The following CLCNKB variants were observed in gnomAD, a reference collection of about 807,000 sequenced individuals.
The protein encoded by CLCNKB is chloride voltage-gated channel Kb, also known as chloride channel protein ClC-Kb.
In CLCNKB, 74 loss-of-function variants were observed where a neutral mutation model predicts 83.8. That is an observed-to-expected ratio of 0.88 (90% CI 0.73 to 1.07). The LOEUF (loss-of-function observed/expected upper bound fraction) is 1.07, where lower values mean the gene tolerates loss of function less well. CLCNKB is among the 50% of genes least tolerant of loss of function. The pLI is 0.00. For synonymous variants in CLCNKB, 358 were observed against 356.6 expected (o/e 1.00, Z -0.04); for missense variants, 798 against 893.6 (o/e 0.89, Z 1.36).
rs773629445 is a variant in CLCNKB, at chr1:16,052,260, G to C, written c.1471G>C (p.Val491Leu). The C allele has an allele frequency of 6.8e-5, 110 of 1,613,302 alleles. No homozygotes were observed. The highest frequency in any genetic ancestry group is 3.7e-4 in the African/African-American group (28 of 75,046). ...TISTALLAFEVTGQIVHALPV... is the reference protein window; with the variant it reads ...TISTALLAFELTGQIVHALPV... ...CTCCACGGCGCTGCTGGCCTTCGAG[G>C]TGACCGGCCAGATAGTGCATGCACT... The change falls in exon 15 of 20, where the codon GTG becomes CTG. Residue 491 changes from valine to leucine, a missense_variant. Coordinates refer to ENST00000375679, the MANE Select transcript of CLCNKB (RefSeq NM_000085.5).
In CLCNKB at chr1:16,050,366, C is replaced by T. The variant is rs1331373823; in HGVS notation, c.969-150C>T. The T allele has an allele frequency of 1.7e-5, 14 of 827,112 alleles. No homozygotes were observed. The African/African-American group carries it at 2.0e-4, about 12-fold the overall frequency. 51.2% of individuals were successfully genotyped at this position (827,112 alleles called of 1,614,324 possible). ...AAAATACCCAGGAGTGTGGGGCTGA[C>T]CCCACAGGTTCTGTCCCCTGGAGCT... On this transcript the variant is annotated intron_variant, in intron 10 of 19. Coordinates refer to ENST00000375679, the MANE Select transcript of CLCNKB (RefSeq NM_000085.5).
At chr1:16,046,893 C>A (rs2023119379) in intron 4 of CLCNKB, among the ~76,000 whole-genome samples, 1 of 152,216 alleles carries the variant, frequency 6.6e-6, no homozygotes, top group Non-Finnish European at 1.5e-5. Flanking sequence ...GTGGGAGGAT[C>A]TTCTGCGAAG....
intron 2 of CLCNKB, 140 bp from the exon 3 acceptor site, chr1:16,045,418 C>T (rs2023069412): frequency 9.8e-7 from 1 of 1,016,686 alleles, no homozygotes; most frequent in Non-Finnish European, 1.5e-6. Context: ...GCAGGGCCCC[C>T]TCGGGACTAC....
At chr1:16,044,420 G>A in intron 1 of CLCNKB, 66 bp from the exon 2 acceptor site, 1 of 1,299,906 alleles carries the variant, frequency 7.7e-7, no homozygotes, top group South Asian at 1.3e-5. Context: ...GCACTGGAAG[G>A]GCCTAGAGGC....
intron 15 of CLCNKB, 42 bp from the exon 16 acceptor site, chr1:16,053,597 A>G: frequency 1.2e-6 from 2 of 1,613,530 alleles, no homozygotes; most frequent in African/African-American, 1.3e-5. Context: ...TGGGTCTCAC[A>G]TCCCTGACTG....
chr1:16,051,821 G>GT lies in CLCNKB; in HGVS notation c.1408+2dup, dbSNP rs1299417970. ...ATGCCAGGGGGGTATGCTCTGGCAG[G>GT]TGAGTGGGTCAGGGGCCTGCTGCGT... On this transcript the variant is annotated splice_donor_variant, in intron 14 of 19. Coordinates refer to ENST00000375679, the MANE Select transcript of CLCNKB (RefSeq NM_000085.5). LOFTEE classifies it high-confidence loss of function. 6.2e-7 allele frequency: 1 copy of GT among 1,611,016 alleles called. No homozygotes were observed. The highest frequency in any genetic ancestry group is 1.7e-5 in the Admixed American group (1 of 60,004).
chr1:16,052,481 C>T (rs1387569071), intron 15 of CLCNKB, 70 bp downstream of exon 15: 16 of 1,602,858 alleles, frequency 1.0e-5, no homozygotes, highest in African/African-American at 4.0e-5. Flanking sequence ...GTGAAGGGCA[C>T]CTCGAAAAAG....
rs1265771379 is a variant in CLCNKB at position 16,052,437 on chromosome 1, C to A, written c.1622+26C>A. 6 of 1,607,878 alleles carry A rather than the reference C, an allele frequency of 3.7e-6. No homozygotes were observed. The South Asian group carries it at 6.6e-5, about 18-fold the overall frequency. On this transcript the variant is annotated intron_variant, in intron 15 of 19. Transcript: ENST00000375679. ...GTGAGTGGTGCCCACCTCAGGCTGA[C>A]TGAAGGGGGTCACAGTGTTTGGGAA...
chr1:16,056,691 T>C (rs1350278749), intron 19 of CLCNKB, among the ~76,000 whole-genome samples, 178 bp from the exon 20 acceptor site: 4 of 152,068 alleles, frequency 2.6e-5, no homozygotes, highest in African/African-American at 4.8e-5. Context: ...CCCTACCTTG[T>C]TTTCTGGCCA....
intron 7 of CLCNKB, 186 bp from the exon 8 acceptor site, chr1:16,048,934 G>C (rs778485953): frequency 4.1e-6 from 6 of 1,471,330 alleles, no homozygotes; most frequent in Non-Finnish European, 3.6e-6. Context: ...CAGGCTGGAC[G>C]GGTCTCTGGG....
chr1:16,047,826 G>GAA, intron 4 of CLCNKB, 79 bp from the exon 5 acceptor site: 1 of 1,496,556 alleles, frequency 6.7e-7, no homozygotes, highest in Non-Finnish European at 9.3e-7. Context: ...ATCGTAATGT[G>GAA]AAAACATCAC....
chr1:16,055,575 T>C, intron 17 of CLCNKB, 52 bp downstream of exon 17: 2 of 1,540,532 alleles, frequency 1.3e-6, no homozygotes, highest in Non-Finnish European at 1.8e-6. Context: ...TCAGCAGGAA[T>C]GGGAGGAGAG....
At chr1:16,047,313 C>T (rs1259874713) in intron 4 of CLCNKB, among the ~76,000 whole-genome samples, 2 of 152,106 alleles carry the variant, frequency 1.3e-5, no homozygotes, top group African/African-American at 2.4e-5. Context: ...GGCATGATTG[C>T]ATGTGCCCGT....
At chr1:16,046,703 A>G in intron 4 of CLCNKB, 40 bp downstream of exon 4, 1 of 1,536,544 alleles carries the variant, frequency 6.5e-7, no homozygotes, top group Non-Finnish European at 8.8e-7. Flanking sequence ...ACTGGCCAAA[A>G]CCTTCTCAGA....
intron 5 of CLCNKB, 27 bp from the exon 6 acceptor site, chr1:16,048,316 G>A (rs965917379): frequency 3.1e-6 from 5 of 1,613,284 alleles, no homozygotes; most frequent in African/African-American, 2.7e-5. Context: ...CCTCACCTGG[G>A]CCCTGGGCCC....
Position 16,044,603 on chromosome 1 carries a change from G to C in CLCNKB, c.100+11G>C, listed in dbSNP as rs758980868. 11 of 1,586,484 alleles carry C rather than the reference G, an allele frequency of 6.9e-6. No individual in the cohort carries two copies. The South Asian group carries it at 1.3e-4, about 18-fold the overall frequency. On this transcript the variant is annotated intron_variant, in intron 2 of 19. Transcript: ENST00000375679. ...GCCGAGGCATCCGAGGTGAGAGCCAGGTCCTCTTCCCTTCCCCCTGGAGGA... is the reference window on the plus strand; with the variant it reads ...GCCGAGGCATCCGAGGTGAGAGCCACGTCCTCTTCCCTTCCCCCTGGAGGA...
rs1304209589 is a variant in CLCNKB at position 16,053,519 on chromosome 1, C to A, written c.1623-120C>A. On this transcript the variant is annotated intron_variant, in intron 15 of 19. Coordinates refer to ENST00000375679, the MANE Select transcript of CLCNKB (RefSeq NM_000085.5). ...CCCTCATTCCAGGAACCTCTCCGGC[C>A]CTGCCCACACTCCAGAGCCGTGGGT... is the stretch of plus-strand genomic sequence containing the variant. 4.2e-6 allele frequency: 6 copies of A among 1,441,744 alleles called. No individual in the cohort carries two copies. In the African/African-American group the frequency reaches 7.0e-5, roughly 17 times the overall value. The allele number at this position is 1,441,744 out of a possible 1,614,324, so 89.3% of individuals were successfully genotyped here.
At chr1:16,051,982 G>A (rs945300973) in intron 14 of CLCNKB, among the ~76,000 whole-genome samples, 162 bp downstream of exon 14, 6 of 151,422 alleles carry the variant, frequency 4.0e-5, no homozygotes, top group African/African-American at 1.2e-4. Flanking sequence ...ACCATTCCCC[G>A]GGGCCCATCA....
rs761677675 is a variant in CLCNKB at position 16,056,433 on chromosome 1, C to T, written c.1941C>T (p.Leu647=). The change falls in exon 19 of 20, where the codon CTC becomes CTT. Residue 647 remains leucine, a synonymous_variant. Coordinates refer to ENST00000375679, the MANE Select transcript of CLCNKB (RefSeq NM_000085.5). ...CATCCCCCATCCAGGCACACAACCT[C>T]TTTGAGCTGTTGAACCTTCATTCCC... ...PETSLHEAHN[L]FELLNLHSLF... The T allele has an allele frequency of 5.6e-6, 9 of 1,614,012 alleles. No individual in the cohort carries two copies. In the East Asian group the frequency reaches 1.3e-4, roughly 24 times the overall value.
Sources: allele counts gnomAD v4.1 joint callset (sites outside exome capture counted in the v4.1 genomes callset), GRCh38; gene constraint gnomAD v4.1.1; transcripts MANE v1.5; gene names NCBI Gene and HGNC (gene_info 2026-07-23, HGNC 2026-07-21).